GALNTL6: variants seen among roughly 807,000 people sequenced by gnomAD.
GALNTL6 encodes the protein polypeptide N-acetylgalactosaminyltransferase-like 6.
Under a neutral mutation model 73.7 loss-of-function variants are expected in GALNTL6, and 46 were observed. That is an observed-to-expected ratio of 0.62 (90% CI 0.49 to 0.80). The LOEUF is 0.80. Among genes scored for constraint, GALNTL6 ranks in the 30% least tolerant of loss-of-function variants. The probability of loss-of-function intolerance (pLI) is 0.00; values close to 1 mark genes in which losing one functional copy is unlikely to be tolerated. For synonymous variants in GALNTL6, 259 were observed against 263.7 expected, an observed-to-expected ratio of 0.98 and a Z score of 0.17; for missense variants, 604 against 755.0, an observed-to-expected ratio of 0.80 and a Z score of 2.34.
intron 2 of GALNTL6, among the ~76,000 whole-genome samples, chr4:172,084,433 A>G (rs1731967978): frequency 6.6e-6 from 1 of 152,306 alleles, no homozygotes; most frequent in Non-Finnish European, 1.5e-5. Flanking sequence ...TATTATGACC[A>G]ACTAAATGTT....
intron 7 of GALNTL6, among the ~76,000 whole-genome samples, chr4:172,873,008 T>G (rs571829207): frequency 1.3e-5 from 2 of 152,336 alleles, no homozygotes; most frequent in South Asian, 4.1e-4. Flanking sequence ...GCCATCCGAG[T>G]ACTCCATCGA....
At chr4:173,029,305 A>G (rs1031293319) in intron 12 of GALNTL6, among the ~76,000 whole-genome samples, 25 of 152,198 alleles carry the variant, frequency 1.6e-4, no homozygotes, top group Non-Finnish European at 3.7e-4. Context: ...CACAGATTAT[A>G]TTTAATTCAT....
chr4:171,853,062 A>G (rs1173697728), intron 2 of GALNTL6, among the ~76,000 whole-genome samples: 12 of 110,536 alleles, frequency 1.1e-4, no homozygotes, highest in Admixed American at 3.9e-4. Flanking sequence ...ACGGGGTTTC[A>G]CCGTGTTAGC....
intron 2 of GALNTL6, among the ~76,000 whole-genome samples, chr4:172,173,580 A>G (rs1734902416): frequency 1.3e-5 from 2 of 152,204 alleles, no homozygotes; most frequent in African/African-American, 4.8e-5. Flanking sequence ...ATCTCTCTGA[A>G]ATGAATTAAT....
chr4:172,713,558 T>A (rs114033580), intron 5 of GALNTL6, among the ~76,000 whole-genome samples: 1,843 of 152,256 alleles, frequency 0.012, 27 homozygotes, highest in African/African-American at 0.04. Context: ...AAAAGCACCA[T>A]CGCAGGGTAC....
At chr4:172,460,642 A>G (rs1302954685) in intron 5 of GALNTL6, among the ~76,000 whole-genome samples, 1 of 152,268 alleles carries the variant, frequency 6.6e-6, no homozygotes, top group African/African-American at 2.4e-5. Flanking sequence ...GTCATTAGAG[A>G]CATGCAAATC....
At chr4:172,650,518 A>G (rs571532344) in intron 5 of GALNTL6, among the ~76,000 whole-genome samples, 76 of 152,342 alleles carry the variant, frequency 5.0e-4, no homozygotes, top group African/African-American at 1.7e-3. Context: ...CATTACATCT[A>G]TTTAACAGTA....
chr4:172,575,001 A>G (rs952475151), intron 5 of GALNTL6, among the ~76,000 whole-genome samples: 17 of 151,974 alleles, frequency 1.1e-4, no homozygotes. Flanking sequence ...AATTAGCGGT[A>G]CCCATAAGAG....
intron 5 of GALNTL6, among the ~76,000 whole-genome samples, chr4:172,615,953 G>A (rs1244522439): frequency 6.6e-6 from 1 of 152,064 alleles, no homozygotes; most frequent in African/African-American, 2.4e-5. Flanking sequence ...TTTTCTTTAA[G>A]TAAATGAAGT....
At chr4:171,983,896 G>A (rs1416107888) in intron 2 of GALNTL6, among the ~76,000 whole-genome samples, 1 of 152,146 alleles carries the variant, frequency 6.6e-6, no homozygotes, top group Non-Finnish European at 1.5e-5. Context: ...GGAGAAGGAG[G>A]AAAGGAAGTA....
chr4:172,235,117 G>T (rs1737196554), intron 3 of GALNTL6, among the ~76,000 whole-genome samples: 1 of 151,690 alleles, frequency 6.6e-6, no homozygotes, highest in Admixed American at 6.6e-5. Flanking sequence ...CGTAATGCCT[G>T]CAATGCTTAA....
At chr4:172,435,627 AT>A (rs1244075935) in intron 5 of GALNTL6, among the ~76,000 whole-genome samples, 2 of 152,056 alleles carry the variant, frequency 1.3e-5, no homozygotes, top group African/African-American at 2.4e-5. Flanking sequence ...CGAGGAAAAG[AT>A]TTTTTTCCCC....
intron 3 of GALNTL6, among the ~76,000 whole-genome samples, chr4:172,275,541 A>G (rs1180423907): frequency 6.6e-6 from 1 of 152,218 alleles, no homozygotes; most frequent in Non-Finnish European, 1.5e-5. Flanking sequence ...CAATTAATAC[A>G]TGTAAAGCAT....
At chr4:172,203,065 T>C (rs1484523311) in intron 2 of GALNTL6, among the ~76,000 whole-genome samples, 2 of 152,220 alleles carry the variant, frequency 1.3e-5, no homozygotes, top group African/African-American at 4.8e-5. Context: ...TGGTCAATAT[T>C]AAAATGTGTA....
intron 2 of GALNTL6, among the ~76,000 whole-genome samples, chr4:171,907,885 G>A (rs1487405501): frequency 6.6e-6 from 1 of 152,006 alleles, no homozygotes; most frequent in South Asian, 2.1e-4. Flanking sequence ...AGAAAAACAA[G>A]CAATGGGAAA....
chr4:172,552,734 GTT>G (rs546719355), intron 5 of GALNTL6, among the ~76,000 whole-genome samples: 6,472 of 128,144 alleles, frequency 0.051, 452 homozygotes, highest in African/African-American at 0.16. Flanking sequence ...TGTTAAAAGC[GTT>G]TTTTTTTTTT....
chr4:172,284,105 G>C (rs1424180357), intron 3 of GALNTL6, among the ~76,000 whole-genome samples: 1 of 151,902 alleles, frequency 6.6e-6, no homozygotes, highest in East Asian at 1.9e-4. Context: ...TATCCTCCAG[G>C]ATTCTTCATT....
At chr4:172,720,379 C>T (rs1334744550) in intron 5 of GALNTL6, among the ~76,000 whole-genome samples, 1 of 152,206 alleles carries the variant, frequency 6.6e-6, no homozygotes, top group Non-Finnish European at 1.5e-5. Flanking sequence ...CCACGTTCCA[C>T]ACAGGAAGAG....
chr4:172,467,271 A>C (rs910700007), intron 5 of GALNTL6, among the ~76,000 whole-genome samples: 2 of 152,276 alleles, frequency 1.3e-5, no homozygotes, highest in African/African-American at 4.8e-5. Flanking sequence ...GCATGATTGA[A>C]TCAATTAGCT....
Sources: allele counts gnomAD v4.1 joint callset (sites outside exome capture counted in the v4.1 genomes callset), GRCh38; gene constraint gnomAD v4.1.1; transcripts MANE v1.5; gene names NCBI Gene and HGNC (gene_info 2026-07-23, HGNC 2026-07-21).